PRKAG2: variants seen among roughly 807,000 people sequenced by gnomAD.
PRKAG2 encodes the protein 5'-AMP-activated protein kinase subunit gamma-2.
PRKAG2 carries 26 observed loss-of-function variants against 69.6 expected under a neutral mutation model. The observed-to-expected ratio is 0.37, with a 90% CI of 0.27 to 0.52. The LOEUF (loss-of-function observed/expected upper bound fraction) is 0.52. Among genes scored for constraint, PRKAG2 ranks in the 20% least tolerant of loss-of-function variants. The pLI is 0.90. For synonymous variants in PRKAG2, 293 were observed against 285.0 expected (o/e 1.03, Z -0.28); for missense variants, 557 against 740.0 (o/e 0.75, Z 2.87).
intron 3 of PRKAG2, among the ~76,000 whole-genome samples, chr7:151,724,700 C>T (rs1489349299): frequency 6.8e-6 from 1 of 147,758 alleles, no homozygotes; most frequent in African/African-American, 2.7e-5. Context: ...AGAGCTTGCA[C>T]ACTCCCTAGC....
In PRKAG2 at chr7:151,632,218, G is replaced by A. The variant is rs1824740588; in HGVS notation, c.685-80C>T. 1.2e-5 allele frequency: 14 copies of A among 1,130,110 alleles called. No individual in the cohort carries two copies. The highest frequency in any genetic ancestry group is 1.4e-5 in the Non-Finnish European group (13 of 923,376). The allele number at this position is 1,130,110 out of a possible 1,614,324, so 70.0% of individuals were successfully genotyped here. A position where few individuals can be genotyped will look rare whatever the true frequency, so the allele number is the denominator to read the frequency against. ...CCGGCGGGCTCGCGGCCGGCCGAGC[G>A]CTGGGGCCTGGCTCTGCCGCGCCGC... On this transcript the variant is annotated intron_variant, in intron 4 of 15. Transcript: ENST00000287878. This position sits in a 1 kb window ranked among gnomAD's most constrained non-coding sequence, Gnocchi z 4.2.
chr7:151,626,009 G>C (rs908832749), intron 5 of PRKAG2, among the ~76,000 whole-genome samples: 10 of 152,174 alleles, frequency 6.6e-5, no homozygotes, highest in Non-Finnish European at 1.5e-4. Context: ...TGTGGGGTTG[G>C]AGCTGAACAG....
chr7:151,627,852 C>T (rs774885751), intron 5 of PRKAG2, among the ~76,000 whole-genome samples: 4 of 152,106 alleles, frequency 2.6e-5, no homozygotes, highest in African/African-American at 2.4e-5. Flanking sequence ...TTTATAAAGA[C>T]GGGGTCTCAC....
At chr7:151,713,256 G>A (rs539252108) in intron 3 of PRKAG2, among the ~76,000 whole-genome samples, 1 of 152,308 alleles carries the variant, frequency 6.6e-6, no homozygotes, top group Admixed American at 6.5e-5. Flanking sequence ...CCCTCACACT[G>A]TCTTCTGGGA....
intron 3 of PRKAG2, among the ~76,000 whole-genome samples, chr7:151,710,032 A>T (rs1449556221): frequency 6.6e-6 from 1 of 152,166 alleles, no homozygotes; most frequent in Non-Finnish European, 1.5e-5. Flanking sequence ...AGCACTCTCG[A>T]GTCTAGAAGG....
At position 151,675,477 on chromosome 7, in the gene PRKAG2, G is replaced by A. The variant is rs201850057; in HGVS notation, c.627C>T (p.Phe209=). ...CCAGTGGAGGCCTGGTCGGGCTCTG[G>A]AAGGAAGACGGGCAGAACCTCTGCC... The part of the protein sequence containing the change: ...DTGQRFCPSS[F]QSPTRPPLAS... The change falls in exon 4 of 16, where the codon TTC becomes TTT. Residue 209 remains phenylalanine (F), a synonymous_variant. Coordinates refer to ENST00000287878, the MANE Select transcript of PRKAG2 (RefSeq NM_016203.4). The A allele has an allele frequency of 1.2e-6, 2 of 1,614,198 alleles. No individual in the cohort carries two copies. Among genetic ancestry groups the A allele is most frequent in the African/African-American group, 1.3e-5 (1 of 75,050 alleles).
chr7:151,588,407 G>A (rs1289672636), intron 6 of PRKAG2, among the ~76,000 whole-genome samples: 2 of 151,810 alleles, frequency 1.3e-5, no homozygotes, highest in African/African-American at 4.8e-5. Flanking sequence ...TGTCGCCCAG[G>A]CTGGTGTGCA....
intron 3 of PRKAG2, among the ~76,000 whole-genome samples, chr7:151,729,254 C>G (rs1197751245): frequency 6.6e-6 from 1 of 152,174 alleles, no homozygotes; most frequent in Non-Finnish European, 1.5e-5. Context: ...ATCCCAAATG[C>G]TTCTACTCAC....
In PRKAG2 at chr7:151,836,041, C is replaced by G. The variant is rs774022448; in HGVS notation, c.114+40466G>C. On this transcript the variant is annotated intron_variant, in intron 1 of 15. Coordinates refer to ENST00000287878, the MANE Select transcript of PRKAG2 (RefSeq NM_016203.4). The surrounding 1 kb of genome is among the most constrained non-coding windows in gnomAD (Gnocchi z 4.1). ...GACTTGCAGGACCCAGGACCCAGTG[C>G]ACATCCTGAGTCTAACTCACCCCGA... is the stretch of plus-strand genomic sequence containing the variant. Among the ~76,000 whole-genome samples the G allele has an allele frequency of 1.3e-5, 2 of 152,174 alleles. No individual in the cohort carries two copies. The highest frequency in any genetic ancestry group is 1.3e-4 in the Admixed American group (2 of 15,272).
At chr7:151,685,104 G>A (rs1834523484) in intron 3 of PRKAG2, among the ~76,000 whole-genome samples, 1 of 152,162 alleles carries the variant, frequency 6.6e-6, no homozygotes, top group Non-Finnish European at 1.5e-5. Flanking sequence ...GAGCGGGCCT[G>A]CCTGAGCCTT....
chr7:151,560,663 G>A (rs779174285), intron 14 of PRKAG2, 46 bp from the exon 15 acceptor site: 1 of 1,608,058 alleles, frequency 6.2e-7, no homozygotes, highest in African/African-American at 1.3e-5. Flanking sequence ...ATTTAAAAAA[G>A]GTTTAAAATG....
chr7:151,763,572 C>T (rs1281888285), intron 3 of PRKAG2, among the ~76,000 whole-genome samples: 2 of 152,246 alleles, frequency 1.3e-5, no homozygotes, highest in Admixed American at 1.3e-4. Flanking sequence ...CTTTCCTTCC[C>T]TTCCTGGCTA....
intron 3 of PRKAG2, among the ~76,000 whole-genome samples, chr7:151,761,992 A>AGG (rs1365518806): frequency 1.3e-5 from 2 of 152,236 alleles, no homozygotes; most frequent in Non-Finnish European, 2.9e-5. Flanking sequence ...GCATGTGGGA[A>AGG]GGGGATACTT....
chr7:151,723,867 C>T (rs1025947699), intron 3 of PRKAG2, among the ~76,000 whole-genome samples: 12 of 152,150 alleles, frequency 7.9e-5, no homozygotes, highest in African/African-American at 2.9e-4. Flanking sequence ...GCATGGGCCA[C>T]CTTTGGGTCC....
intron 4 of PRKAG2, chr7:151,675,132 G>C: frequency 2.5e-6 from 1 of 396,272 alleles, no homozygotes; most frequent in Non-Finnish European, 4.9e-6. Flanking sequence ...TGTTGGCCAG[G>C]CTGGTCTCGA....
intron 1 of PRKAG2, among the ~76,000 whole-genome samples, chr7:151,789,750 C>G (rs1425837223): frequency 5.3e-5 from 8 of 152,182 alleles, no homozygotes; most frequent in Admixed American, 2.0e-4. Flanking sequence ...GTGCACTGGC[C>G]TGCGGTACAG....
chr7:151,833,278 G>C (rs2079079048), intron 1 of PRKAG2, among the ~76,000 whole-genome samples: 1 of 152,204 alleles, frequency 6.6e-6, no homozygotes, highest in South Asian at 2.1e-4. Context: ...GAGCACCCCG[G>C]GCAGGAGGGT....
In PRKAG2 at chr7:151,793,950, C is replaced by T. The variant is rs12534572; in HGVS notation, c.115-7409G>A. On this transcript the variant is annotated intron_variant, in intron 1 of 15. Coordinates refer to ENST00000287878, the MANE Select transcript of PRKAG2 (RefSeq NM_016203.4). The stretch of plus-strand genomic sequence containing the variant: ...CCTAAGCTCCACTCTCAGAGAAGTT[C>T]CAGAGCCATTTACTTTCCACAGAGG... Among the ~76,000 whole-genome samples, 251 of 152,368 alleles carry T rather than the reference C, an allele frequency of 1.6e-3. 1 individual carries two copies. Among genetic ancestry groups the T allele is most frequent in the Middle Eastern group, 0.014 (4 of 294 alleles).
rs1386370573 is a variant in PRKAG2, at chr7:151,756,323, G to A, written c.466+24829C>T. Among the ~76,000 whole-genome samples the A allele has an allele frequency of 2.0e-5, 3 of 152,210 alleles. No homozygotes were observed. The highest frequency in any genetic ancestry group is 1.9e-4 in the East Asian group (1 of 5,192). Reference sequence around the variant, plus strand: ...CGTAGGAGCCACCAGAGCTTCCCCAGGAACCTCTCTGCCTCTGAGGCACCA... The same window carrying A: ...CGTAGGAGCCACCAGAGCTTCCCCAAGAACCTCTCTGCCTCTGAGGCACCA... On this transcript the variant is annotated intron_variant, in intron 3 of 15. Transcript: ENST00000287878. The surrounding 1 kb of genome is among the most constrained non-coding windows in gnomAD (Gnocchi z 4.9).
Sources: allele counts gnomAD v4.1 joint callset (sites outside exome capture counted in the v4.1 genomes callset), GRCh38; gene constraint gnomAD v4.1.1; non-coding constraint Gnocchi (gnomAD v3.1); transcripts MANE v1.5; gene names NCBI Gene and HGNC (gene_info 2026-07-23, HGNC 2026-07-21).